The following DGLUCY variants were observed in gnomAD, a reference collection of about 807,000 sequenced individuals.
The protein encoded by DGLUCY is D-glutamate cyclase.
DGLUCY carries 58 observed loss-of-function variants against 58.5 expected under a neutral mutation model. The ratio of observed to expected loss-of-function variants is 0.99; its 90% CI spans 0.80 to 1.23. DGLUCY has a LOEUF of 1.23. Ranked by LOEUF, DGLUCY falls within the 50% of genes most tolerant of loss-of-function variation. DGLUCY has a pLI of 0.00. For synonymous variants in DGLUCY, 325 were observed against 314.1 expected, an observed-to-expected ratio of 1.03 and a Z score of -0.37; for missense variants, 779 against 784.7, an observed-to-expected ratio of 0.99 and a Z score of 0.09.
chr14:91,218,842 C>T (rs2140768568), intron 13 of DGLUCY, among the ~76,000 whole-genome samples: 1 of 152,242 alleles, frequency 6.6e-6, no homozygotes, highest in African/African-American at 2.4e-5. Context: ...GGAGACGACA[C>T]ATGACAGGCA....
chr14:91,137,460 A>G (rs1295466591), intron 1 of DGLUCY, among the ~76,000 whole-genome samples: 1 of 150,940 alleles, frequency 6.6e-6, no homozygotes, highest in Non-Finnish European at 1.5e-5. Flanking sequence ...ATCTCTGCTC[A>G]CTGCAACCTC....
rs774729658 is a variant in DGLUCY at position 91,224,833 on chromosome 14, A to AC, written c.*2dup. On this transcript the variant is annotated 3_prime_UTR_variant, in exon 14 of 14. Transcript: ENST00000256324. The stretch of plus-strand genomic sequence containing the variant: ...TGGACGTCACCACGGCACAGGTGTA[A>AC]CCGTCCATGTTCCGTGTGAGCAGAG... 2.5e-6 allele frequency: 4 copies of AC among 1,609,388 alleles called. No individual in the cohort carries two copies. Among genetic ancestry groups the AC allele is most frequent in the Non-Finnish European group, 3.4e-6 (4 of 1,176,768 alleles).
At chr14:91,190,875 TG>T (rs2049842020) in intron 9 of DGLUCY, among the ~76,000 whole-genome samples, 1 of 152,078 alleles carries the variant, frequency 6.6e-6, no homozygotes, top group Non-Finnish European at 1.5e-5. Flanking sequence ...AAGCAATCAC[TG>T]GGGTGCAGAG....
chr14:91,075,343 A>G (rs908096036), intron 1 of DGLUCY, among the ~76,000 whole-genome samples: 9 of 152,012 alleles, frequency 5.9e-5, no homozygotes, highest in African/African-American at 1.9e-4. Flanking sequence ...AGGTTACACC[A>G]TGTTGGCCAG....
intron 2 of DGLUCY, chr14:91,159,080 C>G (rs1014356393): frequency 6.7e-6 from 1 of 149,770 alleles, no homozygotes; most frequent in Non-Finnish European, 1.5e-5. Context: ...ATCCTCCTGC[C>G]TCAGCCTCTC....
chr14:91,112,445 T>C (rs902243129), upstream of DGLUCY, among the ~76,000 whole-genome samples: 4 of 152,194 alleles, frequency 2.6e-5, no homozygotes, highest in South Asian at 4.1e-4. Context: ...ACACACGTGA[T>C]GGGTAGCTGT....
At chr14:91,073,656 G>T (rs1377409719) in intron 1 of DGLUCY, among the ~76,000 whole-genome samples, 1 of 152,056 alleles carries the variant, frequency 6.6e-6, no homozygotes, top group Non-Finnish European at 1.5e-5. Flanking sequence ...TTATCTGGTT[G>T]CTGGCTTTGA....
At chr14:91,106,106 G>A (rs984081433), upstream of DGLUCY, among the ~76,000 whole-genome samples, 5 of 152,140 alleles carry the variant, frequency 3.3e-5, no homozygotes, top group Non-Finnish European at 7.4e-5. Context: ...TCAGGAGTTT[G>A]AGACCAGCCT....
chr14:91,199,416 C>T (rs893699428), intron 10 of DGLUCY, among the ~76,000 whole-genome samples: 39 of 152,196 alleles, frequency 2.6e-4, no homozygotes, highest in African/African-American at 8.9e-4. Context: ...CCCACCACCA[C>T]GCCCAGCTAA....
chr14:91,199,958 T>TTTGTTG, intron 11 of DGLUCY, 53 bp downstream of exon 11: 1 of 1,604,802 alleles, frequency 6.2e-7, no homozygotes, highest in Non-Finnish European at 8.5e-7. Flanking sequence ...TGAAGTGTCT[T>TTTGTTG]TTGTTGTTGT....
chr14:91,074,312 A>ATAT (rs754926022), intron 1 of DGLUCY, among the ~76,000 whole-genome samples: 96 of 121,844 alleles, frequency 7.9e-4, no homozygotes, highest in Admixed American at 1.2e-3. Context: ...AAAAAAAAAA[A>ATAT]ATATATATAT....
chr14:91,161,443 A>G (rs1297316598), intron 3 of DGLUCY, among the ~76,000 whole-genome samples: 1 of 152,224 alleles, frequency 6.6e-6, no homozygotes, highest in Non-Finnish European at 1.5e-5. Flanking sequence ...TGGTCTTAGC[A>G]GGGCGCTTCT....
At chr14:91,067,320 A>G (rs989303896) in intron 1 of DGLUCY, among the ~76,000 whole-genome samples, 32 of 152,204 alleles carry the variant, frequency 2.1e-4, no homozygotes, top group African/African-American at 7.5e-4. Flanking sequence ...TAAGTAAGCA[A>G]GGGGGGAGAG....
At chr14:91,108,557 G>GAGAGAGAGAC (rs1566943432) in intron 1 of DGLUCY, among the ~76,000 whole-genome samples, 1 of 149,130 alleles carries the variant, frequency 6.7e-6, no homozygotes, top group East Asian at 2.0e-4. Context: ...GAGAGAGAGA[G>GAGAGAGAGAC]AGACAGAGTT....
At position 91,173,282 on chromosome 14, in the gene DGLUCY, T is replaced by TG; in HGVS notation, c.457-5dup. ...TTTTCACTTGATTTTTTTTTTTTTT[T>TG]GGTCAGACAACAGTGCCTTGTGTTA... On this transcript the variant is annotated splice_polypyrimidine_tract_variant and splice_region_variant and intron_variant, in intron 5 of 13. Transcript: ENST00000256324. 6.2e-7 allele frequency: 1 copy of TG among 1,610,614 alleles called. No homozygotes were observed. Among genetic ancestry groups the TG allele is most frequent in the Non-Finnish European group, 8.5e-7 (1 of 1,179,230 alleles).
chr14:91,161,700 C>T (rs1338956184), intron 3 of DGLUCY, among the ~76,000 whole-genome samples: 1 of 152,006 alleles, frequency 6.6e-6, no homozygotes, highest in East Asian at 1.9e-4. Context: ...TTGGCGAAAG[C>T]AAATCACAGG....
intron 8 of DGLUCY, among the ~76,000 whole-genome samples, chr14:91,185,044 T>G (rs1008322625): frequency 2.0e-5 from 3 of 152,026 alleles, no homozygotes; most frequent in African/African-American, 7.2e-5. Flanking sequence ...CTTGGCTCAT[T>G]GCAACCGCCA....
chr14:91,156,114 T>C (rs1440055895), intron 1 of DGLUCY, among the ~76,000 whole-genome samples: 1 of 151,850 alleles, frequency 6.6e-6, no homozygotes, highest in South Asian at 2.1e-4. Context: ...GGTAGCCTCA[T>C]TCTTTTTTTT....
chr14:91,119,936 C>T (rs1462867018), intron 1 of DGLUCY, among the ~76,000 whole-genome samples: 1 of 152,180 alleles, frequency 6.6e-6, no homozygotes, highest in Non-Finnish European at 1.5e-5. Context: ...CTTGGACTTA[C>T]ACCAGTGGTT....
Sources: gnomAD v4.1 joint callset for allele counts (sites outside exome capture counted in the v4.1 genomes callset) on GRCh38, gnomAD v4.1.1 for gene constraint, MANE v1.5 for transcripts, NCBI Gene and HGNC (gene_info 2026-07-23, HGNC 2026-07-21) for gene names.